Variants in MARCHF11 observed in about 807,000 individuals in gnomAD.
MARCHF11 encodes E3 ubiquitin-protein ligase MARCHF11.
Under a neutral mutation model 37.3 loss-of-function variants are expected in MARCHF11, and 29 were observed. That is an observed-to-expected ratio of 0.78 (90% CI 0.58 to 1.06). MARCHF11 has a LOEUF of 1.06. Among genes scored for constraint, MARCHF11 ranks in the 50% least tolerant of loss-of-function variants. MARCHF11 has a pLI of 0.00. For synonymous variants in MARCHF11, 233 were observed against 228.0 expected (o/e 1.02, Z -0.20); for missense variants, 482 against 533.4 (o/e 0.90, Z 0.95).
intron 2 of MARCHF11, among the ~76,000 whole-genome samples, chr5:16,171,661 C>A (rs887828350): frequency 1.2e-4 from 18 of 152,182 alleles, no homozygotes; most frequent in Non-Finnish European, 1.9e-4. Flanking sequence ...AGGACAGGAG[C>A]TTATAATGGC....
At chr5:16,115,111 T>C (rs927691814) in intron 2 of MARCHF11, among the ~76,000 whole-genome samples, 2 of 152,184 alleles carry the variant, frequency 1.3e-5, no homozygotes, top group African/African-American at 4.8e-5. Flanking sequence ...GCAGTATCAT[T>C]TGTAACGGAA....
chr5:16,111,162 G>A (rs1180638137), intron 2 of MARCHF11, among the ~76,000 whole-genome samples: 1 of 152,130 alleles, frequency 6.6e-6, no homozygotes, highest in African/African-American at 2.4e-5. Context: ...AATTGGTACT[G>A]GTAGAGTGGG....
rs750518764 is a variant in MARCHF11 at position 16,131,831 on chromosome 5, C to G, written c.694-40750G>C. Among the ~76,000 whole-genome samples the G allele has an allele frequency of 1.9e-4, 29 of 152,234 alleles. No homozygotes were observed. In the Middle Eastern group the frequency reaches 9.5e-3, roughly 50 times the overall value. ...CCTTTTGTTTTTCTAAATACCTACT[C>G]AGTTCTAACTTTTGCTGGTGTCTGG... On this transcript the variant is annotated intron_variant, in intron 2 of 3. Transcript: ENST00000332432.
At chr5:16,112,606 G>A (rs1737163034) in intron 2 of MARCHF11, among the ~76,000 whole-genome samples, 1 of 152,160 alleles carries the variant, frequency 6.6e-6, no homozygotes, top group Non-Finnish European at 1.5e-5. Context: ...TCTCAGATGA[G>A]ACTTTGAACT....
intron 2 of MARCHF11, among the ~76,000 whole-genome samples, chr5:16,144,554 G>A (rs747840415): frequency 3.3e-5 from 5 of 152,134 alleles, no homozygotes; most frequent in Non-Finnish European, 5.9e-5. Context: ...CAGCTGGTTT[G>A]ATGGATTTGG....
chr5:16,099,372 G>T (rs1351514187), intron 2 of MARCHF11, among the ~76,000 whole-genome samples: 47 of 152,050 alleles, frequency 3.1e-4, no homozygotes, highest in Admixed American at 3.1e-3. Context: ...GAGAAAAAGG[G>T]TTCCTCAACT....
At chr5:16,110,502 C>A (rs769665278) in intron 2 of MARCHF11, among the ~76,000 whole-genome samples, 1 of 152,022 alleles carries the variant, frequency 6.6e-6, no homozygotes, top group African/African-American at 2.4e-5. Flanking sequence ...TATAACACAA[C>A]AAAAACATAA....
chr5:16,123,897 G>T (rs1375100276), intron 2 of MARCHF11, among the ~76,000 whole-genome samples: 2 of 151,986 alleles, frequency 1.3e-5, no homozygotes, highest in African/African-American at 4.8e-5. Flanking sequence ...TTCAATATGT[G>T]GCATGAAAAA....
intron 2 of MARCHF11, among the ~76,000 whole-genome samples, chr5:16,099,870 G>A (rs1190354007): frequency 1.3e-5 from 2 of 152,102 alleles, no homozygotes; most frequent in Admixed American, 1.3e-4. Flanking sequence ...ATCATGCCAC[G>A]AACAGAAAAG....
chr5:16,158,667 G>A (rs1738018565), intron 2 of MARCHF11, among the ~76,000 whole-genome samples: 1 of 151,966 alleles, frequency 6.6e-6, no homozygotes, highest in African/African-American at 2.4e-5. Context: ...TGTGCAACAT[G>A]TTGACTATAG....
Position 16,104,203 on chromosome 5 carries a change from C to T in MARCHF11, c.694-13122G>A, listed in dbSNP as rs142034576. On this transcript the variant is annotated intron_variant, in intron 2 of 3. Transcript: ENST00000332432. Reference sequence around the variant, plus strand: ...TTAAACCATCTTTAAGGCCCCTTTCCGCTCTATAATTCCCTAGAGTACTCA... The same window carrying T: ...TTAAACCATCTTTAAGGCCCCTTTCTGCTCTATAATTCCCTAGAGTACTCA... Among the ~76,000 whole-genome samples the T allele has an allele frequency of 2.9e-3, 442 of 152,132 alleles. 3 individuals are homozygous for T. Among genetic ancestry groups the T allele is most frequent in the African/African-American group, 0.01 (419 of 41,486 alleles).
chr5:16,120,189 ACCATGTG>A (rs1737288956), intron 2 of MARCHF11, among the ~76,000 whole-genome samples: 1 of 152,238 alleles, frequency 6.6e-6, no homozygotes, highest in South Asian at 2.1e-4. Context: ...CTGGATATCT[ACCATGTG>A]CCAGCCATGG....
At position 16,114,080 on chromosome 5, in the gene MARCHF11, T is replaced by C. The variant is rs1737193369; in HGVS notation, c.694-22999A>G. Among the ~76,000 whole-genome samples, 4 of 152,002 alleles carry C rather than the reference T, an allele frequency of 2.6e-5. No individual in the cohort carries two copies. In the South Asian group the frequency reaches 8.3e-4, roughly 31 times the overall value. On this transcript the variant is annotated intron_variant, in intron 2 of 3. Coordinates refer to ENST00000332432, the MANE Select transcript of MARCHF11 (RefSeq NM_001102562.3). ...TGTGCCTGGCTTATTTCAGTTAAAA[T>C]AATAACCTTCAGTTCCTTCCATGTT...
intron 3 of MARCHF11, among the ~76,000 whole-genome samples, chr5:16,068,858 A>G (rs547468873): frequency 6.6e-6 from 1 of 152,342 alleles, no homozygotes; most frequent in Admixed American, 6.5e-5. Context: ...TAGAGAGATC[A>G]ATGAATATCC....
intron 3 of MARCHF11, among the ~76,000 whole-genome samples, chr5:16,077,039 G>C (rs183086570): frequency 6.6e-4 from 101 of 152,202 alleles, no homozygotes; most frequent in Non-Finnish European, 1.1e-3. Context: ...TAGGATATAG[G>C]AGGATTACGG....
chr5:16,113,480 C>G (rs1737181584), intron 2 of MARCHF11, among the ~76,000 whole-genome samples: 1 of 152,092 alleles, frequency 6.6e-6, no homozygotes, highest in African/African-American at 2.4e-5. Flanking sequence ...TTTACATAGT[C>G]TTATTAGATC....
intron 2 of MARCHF11, among the ~76,000 whole-genome samples, chr5:16,095,116 CAATT>C (rs1310263172): frequency 6.6e-6 from 1 of 152,126 alleles, no homozygotes; most frequent in Middle Eastern, 3.2e-3. Flanking sequence ...GCTTTGGTAA[CAATT>C]AATGGCATAC....
At chr5:16,071,172 G>A (rs943892079) in intron 3 of MARCHF11, among the ~76,000 whole-genome samples, 2 of 152,156 alleles carry the variant, frequency 1.3e-5, no homozygotes, top group Admixed American at 6.5e-5. Flanking sequence ...ACAGGCTGAC[G>A]TACTTTTTCA....
At chr5:16,177,601 T>A in intron 2 of MARCHF11, 125 bp downstream of exon 2, 1 of 746,358 alleles carries the variant, frequency 1.3e-6, no homozygotes, top group South Asian at 5.0e-5. Flanking sequence ...TAAATCTTGG[T>A]TTTAGTGTAA....
Sources: allele counts gnomAD v4.1 joint callset (sites outside exome capture counted in the v4.1 genomes callset), GRCh38; gene constraint gnomAD v4.1.1; transcripts MANE v1.5; gene names NCBI Gene and HGNC (gene_info 2026-07-23, HGNC 2026-07-21).